The following GLIS3 variants were observed in gnomAD, a reference collection of about 807,000 sequenced individuals.
GLIS3 encodes the protein zinc finger protein GLIS3.
GLIS3 carries 53 observed loss-of-function variants against 78.6 expected under a neutral mutation model. That is an observed-to-expected ratio of 0.67 (90% CI 0.54 to 0.85). The LOEUF (loss-of-function observed/expected upper bound fraction) is 0.85, where lower values mean the gene tolerates loss of function less well. Among genes scored for constraint, GLIS3 ranks in the 40% least tolerant of loss-of-function variants. The pLI, the probability that GLIS3 is intolerant of heterozygous loss-of-function variation, is 0.00. For missense variants in GLIS3, 1,703 were observed against 1,231.1 expected (o/e 1.38, Z -5.74); for synonymous variants, 684 against 509.9 (o/e 1.34, Z -4.60).
At chr9:4,406,234 T>C in the GLIS3 span, among the ~76,000 whole-genome samples, 1 of 152,050 alleles carries the variant, frequency 6.6e-6, no homozygotes, top group East Asian at 1.9e-4. Context: ...AGCAATCAGA[T>C]AAGAGAAAGA....
intron 2 of GLIS3, among the ~76,000 whole-genome samples, chr9:4,176,903 C>T (rs1586886315): frequency 1.3e-5 from 2 of 152,240 alleles, no homozygotes; most frequent in South Asian, 2.1e-4. Flanking sequence ...GGATTACAGG[C>T]GTAAGCCACC....
chr9:4,146,484 C>G lies in GLIS3; in HGVS notation c.389-20543G>C, dbSNP rs140723461. 3.8e-4 allele frequency among the ~76,000 whole-genome samples: 58 copies of G among 152,274 alleles called. No homozygotes were observed. In the East Asian group the frequency reaches 0.01, roughly 27 times the overall value. Reference sequence around the variant, plus strand: ...AGGCTGCCTATTGCCAGTCTTTACCCTCAATTTAGGGTTAATGACTAAACT... The same window carrying G: ...AGGCTGCCTATTGCCAGTCTTTACCGTCAATTTAGGGTTAATGACTAAACT... On this transcript the variant is annotated intron_variant, in intron 2 of 10. Transcript: ENST00000381971.
chr9:4,066,887 G>A (rs527762662), intron 4 of GLIS3, among the ~76,000 whole-genome samples: 1 of 152,236 alleles, frequency 6.6e-6, no homozygotes, highest in South Asian at 2.1e-4. Flanking sequence ...GTACCCCAGC[G>A]GGCATCTTTC....
intron 2 of GLIS3, among the ~76,000 whole-genome samples, chr9:4,149,957 A>G (rs1397455250): frequency 6.6e-6 from 1 of 152,194 alleles, no homozygotes; most frequent in Non-Finnish European, 1.5e-5. Context: ...CTTTTTATTC[A>G]CGAAGAGTCT....
intron 8 of GLIS3, among the ~76,000 whole-genome samples, chr9:3,875,110 G>C (rs1821229221): frequency 6.6e-6 from 1 of 152,196 alleles, no homozygotes; most frequent in Admixed American, 6.5e-5. Flanking sequence ...GACATACTAT[G>C]AAACTCATTG....
chr9:3,876,426 G>A (rs533043853), intron 8 of GLIS3, among the ~76,000 whole-genome samples: 2 of 151,538 alleles, frequency 1.3e-5, no homozygotes, highest in East Asian at 3.9e-4. Context: ...CAAAATTTGG[G>A]AAATCTGAAT....
In GLIS3 at chr9:4,117,860, C is replaced by G. The variant is rs759183029; in HGVS notation, c.1618G>C (p.Gly540Arg). 12 of 1,614,008 alleles carry G rather than the reference C, an allele frequency of 7.4e-6. No homozygotes were observed. Among genetic ancestry groups the G allele is most frequent in the Non-Finnish European group, 1.0e-5 (12 of 1,180,024 alleles). ...AAGGGCTTGTATCTTCGAGGGCAACCGGCCCAGAAGCAAGTGAAGTCCTCC... is the reference window on the plus strand; with the variant it reads ...AAGGGCTTGTATCTTCGAGGGCAACGGGCCCAGAAGCAAGTGAAGTCCTCC... ...KGEDFTCFWAGCPRRYKPFNA... is the reference protein window; with the variant it reads ...KGEDFTCFWARCPRRYKPFNA... Residue 540 changes from glycine (G) to arginine (R), a missense_variant, in exon 4 of 11, where the codon GGT becomes CGT. Gly to Arg is a moderately radical substitution (Grantham distance 125). Transcript: ENST00000381971.
At chr9:4,216,261 A>C (rs1212581429) in intron 2 of GLIS3, among the ~76,000 whole-genome samples, 1 of 152,056 alleles carries the variant, frequency 6.6e-6, no homozygotes, top group Non-Finnish European at 1.5e-5. Flanking sequence ...TCATGAGGTC[A>C]GGAAATCGAG....
chr9:4,487,125 G>C, the GLIS3 span, among the ~76,000 whole-genome samples: 1,830 of 152,018 alleles, frequency 0.012, 32 homozygotes, highest in African/African-American at 0.042. Context: ...TCAGCCTCTC[G>C]AGTAGCTGGG....
chr9:4,376,225 G>A, the GLIS3 span, among the ~76,000 whole-genome samples: 4 of 152,166 alleles, frequency 2.6e-5, no homozygotes, highest in East Asian at 5.8e-4. Flanking sequence ...CCTTTCAGGG[G>A]AAGATGTTAG....
chr9:4,214,431 T>C (rs955141062), intron 2 of GLIS3, among the ~76,000 whole-genome samples: 3 of 152,348 alleles, frequency 2.0e-5, no homozygotes, highest in Non-Finnish European at 2.9e-5. Context: ...TCGGCACGTA[T>C]GTCTTCTGTG....
At chr9:4,438,228 A>G in the GLIS3 span, among the ~76,000 whole-genome samples, 2 of 152,222 alleles carry the variant, frequency 1.3e-5, no homozygotes, top group Non-Finnish European at 2.9e-5. Flanking sequence ...AATGAGGCTA[A>G]AGTAATGAAT....
At chr9:4,271,357 C>G (rs1826491147) in intron 2 of GLIS3, among the ~76,000 whole-genome samples, 1 of 152,084 alleles carries the variant, frequency 6.6e-6, no homozygotes, top group South Asian at 2.1e-4. Context: ...AGAAGTTACA[C>G]ACAAATTTCA....
At chr9:4,145,180 T>C (rs970293450) in intron 2 of GLIS3, 8 of 152,180 alleles carry the variant, frequency 5.3e-5, no homozygotes, top group Non-Finnish European at 7.3e-5. Flanking sequence ...CACCACACTA[T>C]GGATGAGGTC....
chr9:4,421,160 G>A, the GLIS3 span, among the ~76,000 whole-genome samples: 1 of 152,192 alleles, frequency 6.6e-6, no homozygotes, highest in Non-Finnish European at 1.5e-5. Flanking sequence ...CTACATAGCA[G>A]TGGTCTTTCC....
At chr9:3,860,811 T>A (rs887093281) in intron 8 of GLIS3, among the ~76,000 whole-genome samples, 1 of 152,170 alleles carries the variant, frequency 6.6e-6, no homozygotes, top group African/African-American at 2.4e-5. Context: ...ATTCAAGGGG[T>A]CTTTGTTGAG....
At chr9:4,323,518 G>C (rs1417311969) in intron 2 of GLIS3, among the ~76,000 whole-genome samples, 3 of 152,038 alleles carry the variant, frequency 2.0e-5, no homozygotes, top group African/African-American at 7.2e-5. Flanking sequence ...ATGCCTTCCT[G>C]CCTGCAATGC....
At chr9:3,901,628 C>A (rs1385584956) in intron 6 of GLIS3, among the ~76,000 whole-genome samples, 1 of 152,158 alleles carries the variant, frequency 6.6e-6, no homozygotes, top group Non-Finnish European at 1.5e-5. Context: ...CATAAAGAGA[C>A]AAATGCATGT....
At chr9:4,357,734 G>A in the GLIS3 span, among the ~76,000 whole-genome samples, 9 of 152,290 alleles carry the variant, frequency 5.9e-5, no homozygotes, top group Non-Finnish European at 1.0e-4. Flanking sequence ...GATCAAACTA[G>A]TGGCCTTCTA....
Sources: gnomAD v4.1 joint callset for allele counts (sites outside exome capture counted in the v4.1 genomes callset) on GRCh38, gnomAD v4.1.1 for gene constraint, MANE v1.5 for transcripts, NCBI Gene and HGNC (gene_info 2026-07-23, HGNC 2026-07-21) for gene names.